The following CEP135 variants were observed in gnomAD, a reference collection of about 807,000 sequenced individuals.
CEP135 encodes the protein centrosomal protein of 135 kDa.
A neutral mutation model predicts 157.3 loss-of-function variants in CEP135; 142 were observed. The ratio of observed to expected loss-of-function variants is 0.90; its 90% CI spans 0.79 to 1.04. The LOEUF is 1.04. Ranked by LOEUF, CEP135 falls within the 50% of genes least tolerant of loss-of-function variation. The pLI is 0.00. For missense variants in CEP135, 1,317 were observed against 1,309.2 expected, an observed-to-expected ratio of 1.01 and a Z score of -0.09; for synonymous variants, 396 against 439.8, an observed-to-expected ratio of 0.90 and a Z score of 1.25.
In CEP135 at chr4:55,969,045, T is replaced by G; in HGVS notation, c.1045-18T>G. ...CTTAGACTTTTAAGTATATACCTAATAGGCTTTTTATTCCTAGAAAGAGAT... is the reference window on the plus strand; with the variant it reads ...CTTAGACTTTTAAGTATATACCTAAGAGGCTTTTTATTCCTAGAAAGAGAT... On this transcript the variant is annotated intron_variant, in intron 8 of 25. Coordinates refer to ENST00000257287, the MANE Select transcript of CEP135 (RefSeq NM_025009.5). 6.3e-7 allele frequency: 1 copy of G among 1,590,214 alleles called. No homozygotes were observed. The highest frequency in any genetic ancestry group is 8.6e-7 in the Non-Finnish European group (1 of 1,165,260).
In CEP135 at chr4:56,032,596, T is replaced by C. The variant is rs867149612; in HGVS notation, c.*1248T>C. ...AAATGCCATTTTTAACGCCGAACTGTGTAATATACATGGAAAACAGCTTTT... is the reference window on the plus strand; with the variant it reads ...AAATGCCATTTTTAACGCCGAACTGCGTAATATACATGGAAAACAGCTTTT... On this transcript the variant is annotated 3_prime_UTR_variant, in exon 26 of 26. Coordinates refer to ENST00000257287, the MANE Select transcript of CEP135 (RefSeq NM_025009.5). 3.3e-5 allele frequency: 5 copies of C among 152,312 alleles called. No individual in the cohort carries two copies. The highest frequency in any genetic ancestry group is 3.4e-3 in the Middle Eastern group (1 of 294). 9.4% of individuals were successfully genotyped at this position (152,312 alleles called of 1,614,324 possible). A position where few individuals can be genotyped will look rare whatever the true frequency, so the allele number is the denominator to read the frequency against.
chr4:55,952,540 T>C (rs542130399), intron 2 of CEP135: 227 of 223,162 alleles, frequency 1.0e-3, no homozygotes, highest in African/African-American at 5.0e-3. Flanking sequence ...TAAGTTCTTT[T>C]TTTTTCCCCC....
intron 14 of CEP135, among the ~76,000 whole-genome samples, chr4:55,988,811 A>AT (rs1350866298): frequency 1.3e-5 from 2 of 150,880 alleles, no homozygotes; most frequent in Non-Finnish European, 3.0e-5. Context: ...AAATACAAAA[A>AT]TTAGCCGGGC....
At chr4:56,014,928 C>T (rs1051408061) in intron 21 of CEP135, among the ~76,000 whole-genome samples, 2 of 152,048 alleles carry the variant, frequency 1.3e-5, no homozygotes, top group Non-Finnish European at 2.9e-5. Context: ...AACATGGTGG[C>T]ACGTGGCTGT....
chr4:55,968,217 C>A (rs1201694921), intron 8 of CEP135, among the ~76,000 whole-genome samples: 1 of 152,022 alleles, frequency 6.6e-6, no homozygotes, highest in African/African-American at 2.4e-5. Context: ...AGATGAAAAA[C>A]CCTTACACTT....
intron 18 of CEP135, among the ~76,000 whole-genome samples, chr4:56,009,453 C>T (rs1467107249): frequency 1.1e-4 from 16 of 152,204 alleles, no homozygotes; most frequent in South Asian, 8.3e-4. Context: ...TGAGCCACCG[C>T]GCCCAGCCCC....
Position 55,951,391 on chromosome 4 carries a change from G to A in CEP135, c.-45-695G>A, listed in dbSNP as rs935597415. On this transcript the variant is annotated intron_variant, in intron 1 of 25. Coordinates refer to ENST00000257287, the MANE Select transcript of CEP135 (RefSeq NM_025009.5). ...ATTCCAGTTGCTCCAGATCTTTGTC[G>A]ACATTTGCTATTGTCGGTCCTTGTA... Among the ~76,000 whole-genome samples the A allele has an allele frequency of 3.3e-5, 5 of 152,108 alleles. No individual in the cohort carries two copies. The East Asian group carries it at 5.8e-4, about 18-fold the overall frequency.
At position 56,002,930 on chromosome 4, in the gene CEP135, A is replaced by G. The variant is rs115519776; in HGVS notation, c.2280+3285A>G. Among the ~76,000 whole-genome samples the G allele has an allele frequency of 4.6e-3, 696 of 152,146 alleles. 6 individuals carry two copies. Among genetic ancestry groups the G allele is most frequent in the Non-Finnish European group, 7.8e-3 (530 of 67,998 alleles). On this transcript the variant is annotated intron_variant, in intron 17 of 25. Transcript: ENST00000257287. ...TGCTATTGGTTTGTTGAAGTTTTCT[A>G]TTTCTTCATGGTTCAAACTTGGTAG...
rs1313197586 is a variant in CEP135, at chr4:55,981,391, G to A, written c.1779+12G>A. ...GAGAAAAATTAGAGGTAAGAAGATT[G>A]ACATGTTTTTGAAAGGTAATTTGTT... On this transcript the variant is annotated intron_variant, in intron 13 of 25. Coordinates refer to ENST00000257287, the MANE Select transcript of CEP135 (RefSeq NM_025009.5). 2 of 1,559,034 alleles carry A rather than the reference G, an allele frequency of 1.3e-6. No individual in the cohort carries two copies. Among genetic ancestry groups the A allele is most frequent in the East Asian group, 4.6e-5 (2 of 43,052 alleles).
rs920469720 is a variant in CEP135 at position 56,032,019 on chromosome 4, G to T, written c.*671G>T. 1 of 152,142 alleles carries T rather than the reference G, an allele frequency of 6.6e-6. No individual in the cohort carries two copies. The highest frequency in any genetic ancestry group is 1.5e-5 in the Non-Finnish European group (1 of 68,020). The allele number at this position is 152,142 out of a possible 1,614,324, so 9.4% of individuals were successfully genotyped here. A position where few individuals can be genotyped will look rare whatever the true frequency, so the allele number is the denominator to read the frequency against. The stretch of plus-strand genomic sequence containing the variant: ...TTAACTATCATCATATGGACTCTAT[G>T]TAACACAAATTCAAAAGCAAACTAA... On this transcript the variant is annotated 3_prime_UTR_variant, in exon 26 of 26. Coordinates refer to ENST00000257287, the MANE Select transcript of CEP135 (RefSeq NM_025009.5).
rs1323364708 is a variant in CEP135, at chr4:55,980,260, G to A, written c.1591G>A (p.Ala531Thr). Residue 531 changes from alanine (A) to threonine (T), a missense_variant, in exon 12 of 26, where the codon GCA (alanine) becomes ACA (threonine). By Grantham distance (58) the Ala-to-Thr change is moderately conservative. Coordinates refer to ENST00000257287, the MANE Select transcript of CEP135 (RefSeq NM_025009.5). ...DIQSNVKLLT[A>T]ERDKLSVLYN... ...ACAGTCCAATGTTAAATTATTGACAGCAGAAAGAGATAAACTAAGTGTCTT... is the reference window on the plus strand; with the variant it reads ...ACAGTCCAATGTTAAATTATTGACAACAGAAAGAGATAAACTAAGTGTCTT... 5 of 1,550,592 alleles carry A rather than the reference G, an allele frequency of 3.2e-6. No homozygotes were observed. Among genetic ancestry groups the A allele is most frequent in the Non-Finnish European group, 3.6e-6 (4 of 1,125,676 alleles).
At chr4:55,955,960 A>G (rs1728489953) in intron 4 of CEP135, among the ~76,000 whole-genome samples, 1 of 152,194 alleles carries the variant, frequency 6.6e-6, no homozygotes, top group African/African-American at 2.4e-5. Flanking sequence ...AGTAAGAATT[A>G]TCTAGTGAGA....
chr4:55,974,824 TAGATA>T lies in CEP135; in HGVS notation c.1329_1333del (p.Leu443PhefsTer14). The T allele has an allele frequency of 6.2e-7, 1 of 1,613,910 alleles. No individual in the cohort carries two copies. The highest frequency in any genetic ancestry group is 1.1e-5 in the South Asian group (1 of 91,062). Reference sequence around the variant, plus strand: ...CGTCGAGACAGGTCACCTTCTCGTTTAGATACATTTCTGAAAGGTATAGAAGAAGA... The same window carrying T: ...CGTCGAGACAGGTCACCTTCTCGTTTCATTTCTGAAAGGTATAGAAGAAGA... On this transcript the variant is annotated frameshift_variant, in exon 11 of 26. Coordinates refer to ENST00000257287, the MANE Select transcript of CEP135 (RefSeq NM_025009.5). LOFTEE classifies it high-confidence loss of function.
intron 20 of CEP135, 64 bp from the exon 21 acceptor site, chr4:56,011,736 G>T: frequency 7.5e-7 from 1 of 1,329,572 alleles, no homozygotes; most frequent in South Asian, 1.4e-5. Flanking sequence ...ATGTGTTTAT[G>T]ACATAGGTGT....
chr4:55,993,183 T>A (rs1374725317), intron 15 of CEP135, among the ~76,000 whole-genome samples: 6 of 152,090 alleles, frequency 3.9e-5, no homozygotes, highest in Non-Finnish European at 8.8e-5. Context: ...AAAAACAAAC[T>A]GATGAAAGTC....
rs752613633 is a variant in CEP135 at position 55,999,735 on chromosome 4, C to G, written c.2280+90C>G. The G allele has an allele frequency of 6.2e-4, 833 of 1,335,872 alleles. 2 individuals are homozygous for G. Among genetic ancestry groups the G allele is most frequent in the Middle Eastern group, 2.2e-3 (8 of 3,690 alleles). 82.8% of individuals were successfully genotyped at this position (1,335,872 alleles called of 1,614,324 possible). A position where few individuals can be genotyped will look rare whatever the true frequency, so the allele number is the denominator to read the frequency against. On this transcript the variant is annotated intron_variant, in intron 17 of 25. Transcript: ENST00000257287. ...TGAGATGGGGTCTCACTCTGTCACT[C>G]AGGCTGGAGTGCAGTGGCATGATCA...
chr4:56,004,192 G>A (rs899422898), intron 17 of CEP135, among the ~76,000 whole-genome samples: 2 of 152,074 alleles, frequency 1.3e-5, no homozygotes, highest in African/African-American at 4.8e-5. Flanking sequence ...AGCAACTGTT[G>A]TTTAATTTCC....
At chr4:55,974,639 C>A in intron 10 of CEP135, 107 bp from the exon 11 acceptor site, 1 of 788,574 alleles carries the variant, frequency 1.3e-6, no homozygotes, top group Non-Finnish European at 2.0e-6. Context: ...TAGAACAGTT[C>A]ATGATTTCTA....
At chr4:56,014,271 G>T (rs1473206065) in intron 21 of CEP135, among the ~76,000 whole-genome samples, 1 of 152,228 alleles carries the variant, frequency 6.6e-6, no homozygotes, top group Non-Finnish European at 1.5e-5. Flanking sequence ...AAATATGAAA[G>T]TGGCTTTGGA....
Sources: allele counts gnomAD v4.1 joint callset (sites outside exome capture counted in the v4.1 genomes callset), GRCh38; gene constraint gnomAD v4.1.1; transcripts MANE v1.5; gene names NCBI Gene and HGNC (gene_info 2026-07-23, HGNC 2026-07-21).